Variants in LRRC7 observed in about 807,000 individuals in gnomAD.
The protein encoded by LRRC7 is leucine rich repeat containing 7.
LRRC7 carries 23 observed loss-of-function variants against 175.7 expected under a neutral mutation model. The observed-to-expected ratio is 0.13, with a 90% CI of 0.09 to 0.19. LRRC7 has a LOEUF of 0.19. Among genes scored for constraint, LRRC7 ranks in the 10% least tolerant of loss-of-function variants. The probability of loss-of-function intolerance (pLI) is 1.00; values close to 1 mark genes in which losing one functional copy is unlikely to be tolerated. For synonymous variants in LRRC7, 685 were observed against 680.9 expected (o/e 1.01, Z -0.09); for missense variants, 1,354 against 1,904.7 (o/e 0.71, Z 5.38).
At chr1:69,584,392 GT>G (rs1295719710) in intron 1 of LRRC7, among the ~76,000 whole-genome samples, 1 of 152,042 alleles carries the variant, frequency 6.6e-6, no homozygotes, top group Non-Finnish European at 1.5e-5. Context: ...TCAAAATTGT[GT>G]TTTGCCAACA....
intron 1 of LRRC7, among the ~76,000 whole-genome samples, chr1:69,653,620 A>G (rs1340492831): frequency 1.3e-5 from 2 of 152,134 alleles, no homozygotes; most frequent in African/African-American, 4.8e-5. Context: ...TATAAAAAGA[A>G]CTACCATATA....
chr1:69,847,088 G>C (rs1021510149), intron 7 of LRRC7, among the ~76,000 whole-genome samples: 2 of 151,822 alleles, frequency 1.3e-5, no homozygotes, highest in African/African-American at 4.8e-5. Context: ...TTTTAAAATT[G>C]GTAGCTTCTT....
intron 7 of LRRC7, among the ~76,000 whole-genome samples, chr1:69,924,864 C>A (rs566085499): frequency 4.4e-4 from 67 of 152,290 alleles, no homozygotes; most frequent in Non-Finnish European, 7.2e-4. Context: ...GAGAGGGCAT[C>A]CCTGTCTTGT....
intron 26 of LRRC7, among the ~76,000 whole-genome samples, chr1:70,110,993 A>G (rs1388867960): frequency 1.3e-5 from 2 of 152,196 alleles, no homozygotes; most frequent in Non-Finnish European, 2.9e-5. Context: ...TGTGTTTTCA[A>G]TGGAGCGAAT....
intron 5 of LRRC7, among the ~76,000 whole-genome samples, chr1:69,827,673 A>G (rs12742152): frequency 0.47 from 71,760 of 151,666 alleles, 17,373 homozygotes; most frequent in Middle Eastern, 0.58. Flanking sequence ...CCCTGTCTCT[A>G]TAAAGTATGC....
intron 22 of LRRC7, among the ~76,000 whole-genome samples, chr1:70,049,223 A>G (rs970906901): frequency 7.2e-5 from 11 of 152,166 alleles, no homozygotes; most frequent in Admixed American, 5.2e-4. Context: ...GTTGATTGAA[A>G]TTAGTTAGTT....
chr1:69,920,282 A>G (rs924167015), intron 7 of LRRC7: 1 of 152,084 alleles, frequency 6.6e-6, no homozygotes, highest in African/African-American at 2.4e-5. Context: ...GCAACTTTGC[A>G]GCACCCTTTC....
intron 2 of LRRC7, among the ~76,000 whole-genome samples, chr1:69,755,788 A>G (rs1670357047): frequency 6.6e-6 from 1 of 152,046 alleles, no homozygotes; most frequent in African/African-American, 2.4e-5. Context: ...AGAAGGCCAG[A>G]ATATTTTTCT....
rs75760049 is a variant in LRRC7, at chr1:69,609,274, G to A, written c.2+40633G>A. Among the ~76,000 whole-genome samples the A allele has an allele frequency of 8.0e-3, 1,222 of 151,926 alleles. 23 individuals are homozygous for A. Among genetic ancestry groups the A allele is most frequent in the African/African-American group, 0.028 (1,147 of 41,464 alleles). On this transcript the variant is annotated intron_variant, in intron 1 of 26. Transcript: ENST00000651989. ...TTATTTAAATCTGACTCATGTCTAC[G>A]TATTCATAAAGGTGATTAATTAGGC...
chr1:69,776,959 A>C (rs899992740), intron 3 of LRRC7, among the ~76,000 whole-genome samples: 3 of 152,082 alleles, frequency 2.0e-5, no homozygotes, highest in African/African-American at 7.2e-5. Context: ...CTTTATGGTG[A>C]ATTTCCCATG....
intron 7 of LRRC7, chr1:69,839,004 T>G (rs973226560): frequency 2.0e-5 from 5 of 250,240 alleles, no homozygotes; most frequent in African/African-American, 1.2e-4. Flanking sequence ...GTATATGTTA[T>G]GATGAAAATA....
chr1:69,998,547 G>A (rs1478283985), intron 11 of LRRC7, among the ~76,000 whole-genome samples: 1 of 152,076 alleles, frequency 6.6e-6, no homozygotes, highest in Non-Finnish European at 1.5e-5. Flanking sequence ...TTATCAGCCC[G>A]ATGCTTTTTA....
At chr1:69,865,469 C>CTTT (rs532063540) in intron 7 of LRRC7, among the ~76,000 whole-genome samples, 2,579 of 51,158 alleles carry the variant, frequency 0.05, 709 homozygotes, top group African/African-American at 0.18. Context: ...AAGACAGTTC[C>CTTT]TTTTTTTTTT....
At chr1:69,906,316 A>G (rs1646309353) in intron 7 of LRRC7, among the ~76,000 whole-genome samples, 1 of 152,148 alleles carries the variant, frequency 6.6e-6, no homozygotes, top group Non-Finnish European at 1.5e-5. Flanking sequence ...TTGGTGTTTT[A>G]GACATGAAGT....
chr1:69,781,980 G>A (rs1386943007), intron 3 of LRRC7, among the ~76,000 whole-genome samples: 1 of 151,864 alleles, frequency 6.6e-6, no homozygotes, highest in Admixed American at 6.6e-5. Flanking sequence ...GAAAGAAAGA[G>A]AAATGGCTTT....
intron 1 of LRRC7, among the ~76,000 whole-genome samples, chr1:69,572,702 C>T (rs539844905): frequency 1.3e-5 from 2 of 152,032 alleles, no homozygotes; most frequent in Admixed American, 6.6e-5. Flanking sequence ...TTAGGTAATA[C>T]ATCTCTTTTA....
In LRRC7 at chr1:69,669,454, A is replaced by C. The variant is rs116100475; in HGVS notation, c.3-8927A>C. ...CTGCTGCAAGATGTATTGAAGCTCC[A>C]TTGTGTGTTACTTGTTTTTTTGCAC... On this transcript the variant is annotated intron_variant, in intron 1 of 26. Transcript: ENST00000651989. Among the ~76,000 whole-genome samples, 993 of 152,220 alleles carry C rather than the reference A, an allele frequency of 6.5e-3. 10 individuals carry two copies. Among genetic ancestry groups the C allele is most frequent in the African/African-American group, 0.021 (881 of 41,538 alleles).
At chr1:69,763,383 A>G (rs1671250947) in intron 3 of LRRC7, among the ~76,000 whole-genome samples, 1 of 152,130 alleles carries the variant, frequency 6.6e-6, no homozygotes, top group Non-Finnish European at 1.5e-5. Flanking sequence ...TCTGAGAAGG[A>G]CAAAATATGT....
intron 1 of LRRC7, among the ~76,000 whole-genome samples, chr1:69,602,171 G>C (rs1291838889): frequency 6.6e-6 from 1 of 152,122 alleles, no homozygotes; most frequent in Non-Finnish European, 1.5e-5. Flanking sequence ...CAGATGCTCT[G>C]TCTTCTGTCA....
Sources: allele counts gnomAD v4.1 joint callset (sites outside exome capture counted in the v4.1 genomes callset), GRCh38; gene constraint gnomAD v4.1.1; transcripts MANE v1.5; gene names NCBI Gene and HGNC (gene_info 2026-07-23, HGNC 2026-07-21).